The following NMBR variants were observed in gnomAD, a reference collection of about 807,000 sequenced individuals.
NMBR encodes neuromedin B receptor, also known as neuromedin-B receptor.
A neutral mutation model predicts 20.5 loss-of-function variants in NMBR; 16 were observed. The ratio of observed to expected loss-of-function variants is 0.78; its 90% confidence interval spans 0.53 to 1.19. NMBR has a LOEUF of 1.19. NMBR is among the 50% of genes most tolerant of loss of function. NMBR has a pLI of 0.00. For missense variants in NMBR, 582 were observed against 499.1 expected, an observed-to-expected ratio of 1.17 and a Z score of -1.58; for synonymous variants, 212 against 196.6, an observed-to-expected ratio of 1.08 and a Z score of -0.65.
chr6:142,124,443 C>A (rs950473056), intron 1 of NMBR, among the ~76,000 whole-genome samples: 1 of 151,780 alleles, frequency 6.6e-6, no homozygotes, highest in Non-Finnish European at 1.5e-5. Flanking sequence ...TTGGTCACAA[C>A]TTATCTAGTA....
At chr6:142,126,757 A>ATTTTT (rs34631481) in intron 1 of NMBR, among the ~76,000 whole-genome samples, 87 of 51,304 alleles carry the variant, frequency 1.7e-3, no homozygotes, top group African/African-American at 1.9e-3. Context: ...TATTTGAGGG[A>ATTTTT]TTTTTTTTTT....
chr6:142,084,957 G>T (rs554827487), intron 2 of NMBR, among the ~76,000 whole-genome samples: 2 of 152,232 alleles, frequency 1.3e-5, no homozygotes, highest in African/African-American at 4.8e-5. Flanking sequence ...ACAGAATATA[G>T]AAATACTTTT....
intron 1 of NMBR, among the ~76,000 whole-genome samples, chr6:142,119,141 T>C (rs1465814386): frequency 1.3e-5 from 2 of 151,970 alleles, no homozygotes; most frequent in Non-Finnish European, 2.9e-5. Context: ...TGGTTATGCG[T>C]CAGCCTCTAG....
At chr6:142,097,572 T>C (rs11962669) in intron 1 of NMBR, among the ~76,000 whole-genome samples, 4,064 of 152,176 alleles carry the variant, frequency 0.027, 198 homozygotes, top group African/African-American at 0.092. Flanking sequence ...AAAGTCAAAA[T>C]ATTGTAAGTT....
At chr6:142,111,292 C>T (rs1291278047) in intron 1 of NMBR, among the ~76,000 whole-genome samples, 1 of 151,668 alleles carries the variant, frequency 6.6e-6, no homozygotes, top group African/African-American at 2.4e-5. Flanking sequence ...CACTGAGACA[C>T]AGGCTTAGCC....
intron 3 of NMBR, among the ~76,000 whole-genome samples, chr6:142,077,073 A>G (rs1044446451): frequency 6.6e-6 from 1 of 152,242 alleles, no homozygotes; most frequent in Non-Finnish European, 1.5e-5. Flanking sequence ...AGGCAACCCA[A>G]CAATCAATCC....
chr6:142,138,773 C>G, intron 1 of NMBR, among the ~76,000 whole-genome samples: 1 of 152,070 alleles, frequency 6.6e-6, no homozygotes, highest in East Asian at 1.9e-4. Flanking sequence ...AAGGCTGGTA[C>G]TTTTTTATTG....
intron 1 of NMBR, among the ~76,000 whole-genome samples, chr6:142,120,065 T>C (rs1777918582): frequency 6.6e-6 from 1 of 151,994 alleles, no homozygotes; most frequent in Admixed American, 6.6e-5. Context: ...AGAGGTCCTA[T>C]ATCCAATGAT....
chr6:142,077,622 G>C (rs960752683), intron 3 of NMBR, among the ~76,000 whole-genome samples: 26 of 152,152 alleles, frequency 1.7e-4, no homozygotes, highest in African/African-American at 6.3e-4. Context: ...ATTCATAAAG[G>C]TTACCTTCCA....
At chr6:142,099,280 A>G (rs755187993) in intron 1 of NMBR, among the ~76,000 whole-genome samples, 8 of 152,170 alleles carry the variant, frequency 5.3e-5, no homozygotes, top group Non-Finnish European at 1.0e-4. Context: ...TAAAGAACTA[A>G]CTGAGACTGG....
At chr6:142,123,280 A>T (rs1252346602) in intron 1 of NMBR, among the ~76,000 whole-genome samples, 1 of 151,958 alleles carries the variant, frequency 6.6e-6, no homozygotes, top group African/African-American at 2.4e-5. Context: ...GGGCCTGAAG[A>T]TGTGACTGAA....
At chr6:142,102,787 G>T (rs1272591027) in intron 1 of NMBR, among the ~76,000 whole-genome samples, 1 of 152,172 alleles carries the variant, frequency 6.6e-6, no homozygotes, top group African/African-American at 2.4e-5. Context: ...AAGGCATAAA[G>T]TTGTCCGTGT....
chr6:142,118,493 G>A (rs1365981554), intron 1 of NMBR, among the ~76,000 whole-genome samples: 1 of 151,944 alleles, frequency 6.6e-6, no homozygotes, highest in African/African-American at 2.4e-5. Context: ...AAGGACTGAT[G>A]ACTAAGTTGC....
chr6:142,109,241 A>C (rs536467025), intron 1 of NMBR, among the ~76,000 whole-genome samples: 1 of 152,254 alleles, frequency 6.6e-6, no homozygotes. Context: ...AGTTCCATTA[A>C]GCAATACCCC....
intron 1 of NMBR, among the ~76,000 whole-genome samples, chr6:142,096,634 A>G (rs543666873): frequency 6.6e-6 from 1 of 152,286 alleles, no homozygotes; most frequent in East Asian, 1.9e-4. Context: ...GGTGCTGAAA[A>G]GAATGTATAT....
chr6:142,100,938 CAT>C (rs1355907419), intron 1 of NMBR, among the ~76,000 whole-genome samples: 6 of 152,164 alleles, frequency 3.9e-5, no homozygotes, highest in Admixed American at 2.0e-4. Flanking sequence ...GTATTTTCCA[CAT>C]GTCTGTTAAA....
At position 142,127,660 on chromosome 6, in the gene NMBR, C is replaced by T. The variant is rs142669804; in HGVS notation, c.-664+19384G>A. On this transcript the variant is annotated intron_variant, in intron 1 of 3. Transcript: ENST00000258042. ...CCATTTATCTGTCTTTTTTTTTCTTCATCAGTGTTTTATAATTTTCATTGT... is the reference window on the plus strand; with the variant it reads ...CCATTTATCTGTCTTTTTTTTTCTTTATCAGTGTTTTATAATTTTCATTGT... 2.3e-3 allele frequency among the ~76,000 whole-genome samples: 343 copies of T among 151,290 alleles called. 1 individual carries two copies. The highest frequency in any genetic ancestry group is 5.3e-3 in the Admixed American group (80 of 15,192).
intron 1 of NMBR, among the ~76,000 whole-genome samples, chr6:142,137,437 G>A (rs1189126857): frequency 6.6e-6 from 1 of 152,112 alleles, no homozygotes; most frequent in Non-Finnish European, 1.5e-5. Flanking sequence ...CATGTAATCT[G>A]CAAAAAGGGA....
intron 1 of NMBR, among the ~76,000 whole-genome samples, chr6:142,090,218 G>A (rs1777298365): frequency 6.6e-6 from 1 of 151,910 alleles, no homozygotes; most frequent in Non-Finnish European, 1.5e-5. Flanking sequence ...CTTCATTAGG[G>A]AAAACATTTG....
Sources: allele counts gnomAD v4.1 joint callset (sites outside exome capture counted in the v4.1 genomes callset), GRCh38; gene constraint gnomAD v4.1.1; transcripts MANE v1.5; gene names NCBI Gene and HGNC (gene_info 2026-07-23, HGNC 2026-07-21).